GNAT3: variants seen among roughly 807,000 people sequenced by gnomAD.
The protein encoded by GNAT3 is G protein subunit alpha transducin 3, also known as guanine nucleotide-binding protein G(t) subunit alpha-3.
In GNAT3, 31 loss-of-function variants were observed where a neutral mutation model predicts 37.7. That is an observed-to-expected ratio of 0.82 (90% CI 0.62 to 1.11). The LOEUF is 1.11. Ranked by LOEUF, GNAT3 falls within the 50% of genes most tolerant of loss-of-function variation. The pLI, the probability that GNAT3 is intolerant of heterozygous loss-of-function variation, is 0.00. For synonymous variants in GNAT3, 138 were observed against 139.8 expected, an observed-to-expected ratio of 0.99 and a Z score of 0.09; for missense variants, 437 against 412.5, an observed-to-expected ratio of 1.06 and a Z score of -0.51.
chr7:80,491,503 T>C (rs1277086812), intron 2 of GNAT3, among the ~76,000 whole-genome samples: 3 of 152,152 alleles, frequency 2.0e-5, no homozygotes, highest in African/African-American at 7.2e-5. Context: ...AGTAGAGAAG[T>C]GCCAGCATCT....
At chr7:80,497,637 TATATACATATAC>T (rs1790754529) in intron 1 of GNAT3, among the ~76,000 whole-genome samples, 1 of 116,716 alleles carries the variant, frequency 8.6e-6, no homozygotes, top group Non-Finnish European at 1.7e-5. Context: ...TACATATACG[TATATACATATAC>T]GTATATACAT....
chr7:80,469,218 G>T (rs2116151638), intron 5 of GNAT3, among the ~76,000 whole-genome samples: 1 of 152,218 alleles, frequency 6.6e-6, no homozygotes, highest in African/African-American at 2.4e-5. Flanking sequence ...CTTATAAACA[G>T]TTATGGTAAT....
At chr7:80,505,516 G>A (rs1164104403) in intron 1 of GNAT3, among the ~76,000 whole-genome samples, 18 of 152,138 alleles carry the variant, frequency 1.2e-4, no homozygotes, top group South Asian at 6.2e-4. Flanking sequence ...ACAGGCGCCC[G>A]CCAACACGCC....
chr7:80,502,697 T>C (rs952807542), intron 1 of GNAT3, among the ~76,000 whole-genome samples: 3 of 151,920 alleles, frequency 2.0e-5, no homozygotes, highest in African/African-American at 7.3e-5. Flanking sequence ...GATATCCATT[T>C]GGTCCTGCTA....
At position 80,467,662 on chromosome 7, in the gene GNAT3, C is replaced by T. The variant is rs116941478; in HGVS notation, c.591-5031G>A. Among the ~76,000 whole-genome samples, 288 of 151,732 alleles carry T rather than the reference C, an allele frequency of 1.9e-3. 2 individuals are homozygous for T. In the East Asian group the frequency reaches 0.034, roughly 18 times the overall value. The stretch of plus-strand genomic sequence containing the variant: ...TGAAGTAATTGCTTATATTTTTGGC[C>T]GAAGGAATATTCTCCCTTATGCATA... On this transcript the variant is annotated intron_variant, in intron 5 of 7. Coordinates refer to ENST00000398291, the MANE Select transcript of GNAT3 (RefSeq NM_001102386.3).
intron 1 of GNAT3, among the ~76,000 whole-genome samples, chr7:80,506,276 C>T (rs1790938094): frequency 6.6e-6 from 1 of 152,168 alleles, no homozygotes; most frequent in Admixed American, 6.5e-5. Flanking sequence ...AATTTTCAAC[C>T]TCCTTAGCAA....
intron 4 of GNAT3, among the ~76,000 whole-genome samples, chr7:80,475,598 A>C (rs1404325460): frequency 6.6e-6 from 1 of 152,118 alleles, no homozygotes; most frequent in Non-Finnish European, 1.5e-5. Context: ...GTGAGGTAGA[A>C]TCCAGCTGAA....
intron 3 of GNAT3, chr7:80,486,446 C>T (rs558106355): frequency 1.3e-5 from 2 of 150,638 alleles, no homozygotes; most frequent in Admixed American, 1.3e-4. Flanking sequence ...AATCTCTCAT[C>T]TCACTTTTTT....
At chr7:80,499,761 G>A (rs377751677) in intron 1 of GNAT3, among the ~76,000 whole-genome samples, 1 of 151,858 alleles carries the variant, frequency 6.6e-6, no homozygotes. Context: ...ATCATGTTTT[G>A]GAACTAAATA....
At position 80,462,227 on chromosome 7, in the gene GNAT3, T is replaced by A. The variant is rs186804021; in HGVS notation, c.806A>T (p.Asn269Ile). The A allele has an allele frequency of 1.9e-6, 3 of 1,610,302 alleles. No individual in the cohort carries two copies. The East Asian group carries it at 6.7e-5, about 36-fold the overall frequency. ...FSTTSIVLFL[N>I]KKDIFQEKVT... Reference sequence around the variant, plus strand: ...CTTTTCTTGAAAGATATCTTTTTTGTTGAGGAACAGGACAATGGAGGTTGT... The same window carrying A: ...CTTTTCTTGAAAGATATCTTTTTTGATGAGGAACAGGACAATGGAGGTTGT... Residue 269 changes from asparagine to isoleucine, a missense_variant, in exon 7 of 8, where the codon AAC (asparagine) becomes ATC (isoleucine). Asn to Ile is a moderately radical substitution (Grantham distance 149, BLOSUM62 -3). Transcript: ENST00000398291.
At chr7:80,484,397 C>A (rs867293456) in intron 3 of GNAT3, among the ~76,000 whole-genome samples, 1 of 152,098 alleles carries the variant, frequency 6.6e-6, no homozygotes, top group South Asian at 2.1e-4. Context: ...AGTTATTGGA[C>A]GCATATATAC....
At chr7:80,505,460 G>T (rs1274062362) in intron 1 of GNAT3, among the ~76,000 whole-genome samples, 1 of 152,078 alleles carries the variant, frequency 6.6e-6, no homozygotes, top group South Asian at 2.1e-4. Flanking sequence ...TCCGCCTCCC[G>T]GGTTCACGCC....
chr7:80,474,189 T>C (rs957403545), intron 5 of GNAT3, 62 bp downstream of exon 5: 59 of 1,515,116 alleles, frequency 3.9e-5, no homozygotes, highest in Non-Finnish European at 4.7e-5. Flanking sequence ...CTTTTCTCCA[T>C]GAGGAAATAT....
chr7:80,509,380 A>G (rs1170038612), intron 1 of GNAT3, among the ~76,000 whole-genome samples: 3 of 152,220 alleles, frequency 2.0e-5, no homozygotes, highest in East Asian at 1.9e-4. Flanking sequence ...TTTATTTTGT[A>G]TAAATAAAAT....
intron 1 of GNAT3, among the ~76,000 whole-genome samples, chr7:80,499,300 G>A (rs1418954786): frequency 6.6e-6 from 1 of 152,068 alleles, no homozygotes; most frequent in Non-Finnish European, 1.5e-5. Flanking sequence ...TTTTAAGTAG[G>A]CACTGATAAA....
intron 1 of GNAT3, among the ~76,000 whole-genome samples, chr7:80,495,551 C>A (rs1790700801): frequency 1.3e-5 from 2 of 151,948 alleles, no homozygotes; most frequent in African/African-American, 2.4e-5. Flanking sequence ...CTCACTGCGA[C>A]CTCCACCTCC....
rs1215484639 is a variant in GNAT3 at position 80,508,467 on chromosome 7, T to C, written c.118+3342A>G. 3.3e-5 allele frequency among the ~76,000 whole-genome samples: 5 copies of C among 152,064 alleles called. No homozygotes were observed. The East Asian group carries it at 9.6e-4, about 29-fold the overall frequency. The stretch of plus-strand genomic sequence containing the variant: ...ACTTTAAAACGTACTTAGATACAAA[T>C]GAGAATATTTTATCCGTTAGAATTT... On this transcript the variant is annotated intron_variant, in intron 1 of 7. Coordinates refer to ENST00000398291, the MANE Select transcript of GNAT3 (RefSeq NM_001102386.3).
At chr7:80,459,241 A>T (rs147397757) in intron 7 of GNAT3, among the ~76,000 whole-genome samples, 224 of 152,278 alleles carry the variant, frequency 1.5e-3, no homozygotes, top group African/African-American at 5.2e-3. Flanking sequence ...ACAGAAGGAG[A>T]TGGTATTTGA....
At chr7:80,480,796 C>A (rs1790380593) in intron 3 of GNAT3, among the ~76,000 whole-genome samples, 1 of 152,016 alleles carries the variant, frequency 6.6e-6, no homozygotes, top group Non-Finnish European at 1.5e-5. Flanking sequence ...TGGGTTTGGG[C>A]CAGCTTCTTA....
Sources: gnomAD v4.1 joint callset for allele counts (sites outside exome capture counted in the v4.1 genomes callset) on GRCh38, gnomAD v4.1.1 for gene constraint, MANE v1.5 for transcripts, NCBI Gene and HGNC (gene_info 2026-07-23, HGNC 2026-07-21) for gene names.